The following ANKS1B variants were observed in gnomAD, a reference collection of about 807,000 sequenced individuals.
ANKS1B encodes the protein ankyrin repeat and sterile alpha motif domain containing 1B, also known as ankyrin repeat and sterile alpha motif domain-containing protein 1B.
Under a neutral mutation model 148.3 loss-of-function variants are expected in ANKS1B, and 36 were observed. The ratio of observed to expected loss-of-function variants is 0.24; its 90% CI spans 0.19 to 0.32. The LOEUF is 0.32. Ranked by LOEUF, ANKS1B falls within the 10% of genes least tolerant of loss-of-function variation. The pLI is 1.00. For synonymous variants in ANKS1B, 542 were observed against 560.8 expected (o/e 0.97, Z 0.47); for missense variants, 1,157 against 1,542.6 (o/e 0.75, Z 4.19).
intron 9 of ANKS1B, among the ~76,000 whole-genome samples, chr12:99,538,188 T>C (rs1399939689): frequency 6.6e-6 from 1 of 152,156 alleles, no homozygotes; most frequent in East Asian, 1.9e-4. Context: ...AGTCAGGTAA[T>C]GTGATTCCTC....
chr12:99,371,599 G>A lies in ANKS1B; in HGVS notation c.1756+28032C>T, dbSNP rs374763795. Among the ~76,000 whole-genome samples the A allele has an allele frequency of 7.0e-4, 107 of 152,108 alleles. 2 individuals carry two copies. The South Asian group carries it at 0.021, about 30-fold the overall frequency. ...ACACACATATACATACTGAGAGAGA[G>A]AGAGAGAATTTACTGGTTTTGTATC... On this transcript the variant is annotated intron_variant, in intron 12 of 26. Transcript: ENST00000683438.
intron 1 of ANKS1B, among the ~76,000 whole-genome samples, chr12:99,980,038 A>C (rs1023888663): frequency 6.6e-6 from 1 of 152,008 alleles, no homozygotes; most frequent in African/African-American, 2.4e-5. Context: ...AGTCAAAAAG[A>C]TATAGAGAAA....
rs35016409 is a variant in ANKS1B, at chr12:99,382,717, AAGAGAG to A, written c.1756+16908_1756+16913del. Among the ~76,000 whole-genome samples, 298 of 113,134 alleles carry A rather than the reference AAGAGAG, an allele frequency of 2.6e-3. 13 individuals are homozygous for A. Among genetic ancestry groups the A allele is most frequent in the Non-Finnish European group, 2.9e-3 (175 of 59,326 alleles). The allele number at this position is 113,134 out of a possible 152,430, so 74.2% of individuals were successfully genotyped here. On this transcript the variant is annotated intron_variant, in intron 12 of 26. Transcript: ENST00000683438. ...TGTATTAAAAAAAAAAAAAAAAAAA[AAGAGAG>A]AGAGAGAGAGAGCTTGCACAAAAGC... is the stretch of plus-strand genomic sequence containing the variant.
At chr12:98,923,113 G>C (rs765389730) in intron 17 of ANKS1B, among the ~76,000 whole-genome samples, 4 of 152,270 alleles carry the variant, frequency 2.6e-5, no homozygotes, top group Non-Finnish European at 4.4e-5. Context: ...ATGCCTTCCT[G>C]CTAGGGTGAG....
chr12:99,469,334 A>T (rs2096197238), intron 10 of ANKS1B, among the ~76,000 whole-genome samples: 1 of 151,202 alleles, frequency 6.6e-6, no homozygotes, highest in African/African-American at 2.4e-5. Context: ...AGATATACCT[A>T]ATGCCAAATG....
intron 25 of ANKS1B, among the ~76,000 whole-genome samples, chr12:98,758,043 C>T (rs748278981): frequency 1.2e-4 from 19 of 152,064 alleles, no homozygotes; most frequent in Non-Finnish European, 2.6e-4. Context: ...GGGGATAATA[C>T]CATACGCAGT....
intron 15 of ANKS1B, among the ~76,000 whole-genome samples, chr12:99,142,637 T>G (rs2071344386): frequency 6.6e-6 from 1 of 152,122 alleles, no homozygotes; most frequent in Non-Finnish European, 1.5e-5. Context: ...TGTAAGAGTT[T>G]AAAAAACTAT....
At chr12:99,982,572 C>T (rs2095718306) in intron 1 of ANKS1B, among the ~76,000 whole-genome samples, 1 of 152,094 alleles carries the variant, frequency 6.6e-6, no homozygotes, top group Admixed American at 6.5e-5. Flanking sequence ...CCACAGCAAA[C>T]GTTGTTATTT....
intron 1 of ANKS1B, among the ~76,000 whole-genome samples, chr12:99,847,447 T>C (rs1251089655): frequency 6.6e-6 from 1 of 152,184 alleles, no homozygotes; most frequent in African/African-American, 2.4e-5. Context: ...TCTAACCTAC[T>C]GTCTGATAGT....
At chr12:99,473,417 C>A (rs769498483) in intron 10 of ANKS1B, among the ~76,000 whole-genome samples, 3 of 151,680 alleles carry the variant, frequency 2.0e-5, no homozygotes, top group Admixed American at 2.0e-4. Flanking sequence ...AGTGAATATC[C>A]GTGAGAGACT....
intron 17 of ANKS1B, among the ~76,000 whole-genome samples, chr12:98,899,431 T>C (rs560403040): frequency 4.6e-5 from 7 of 152,216 alleles, no homozygotes; most frequent in Non-Finnish European, 8.8e-5. Flanking sequence ...CAAAGACTAA[T>C]CTAGGTGTTT....
In ANKS1B at chr12:98,745,313, T is replaced by G; in HGVS notation, c.*426A>C. 13 of 986,316 alleles carry G rather than the reference T, an allele frequency of 1.3e-5. No individual in the cohort carries two copies. Among genetic ancestry groups the G allele is most frequent in the Non-Finnish European group, 1.6e-5 (13 of 830,762 alleles). The allele number at this position is 986,316 out of a possible 1,614,324, so 61.1% of individuals were successfully genotyped here. ...GTGGGAGGGGTAGTGCTGCTCTGAT[T>G]TCACCTTTAAAACTGCTGACAGTGA... On this transcript the variant is annotated 3_prime_UTR_variant, in exon 27 of 27. Transcript: ENST00000683438.
At chr12:99,644,835 A>C (rs1028869637) in intron 9 of ANKS1B, among the ~76,000 whole-genome samples, 49 of 152,018 alleles carry the variant, frequency 3.2e-4, no homozygotes, top group African/African-American at 1.0e-3. Context: ...TCACAGGGAG[A>C]ATCCACTTCC....
At position 98,810,278 on chromosome 12, in the gene ANKS1B, G is replaced by A. The variant is rs188823359; in HGVS notation, c.3067-2360C>T. 3.4e-3 allele frequency among the ~76,000 whole-genome samples: 522 copies of A among 152,312 alleles called. 5 individuals carry two copies. The highest frequency in any genetic ancestry group is 0.012 in the African/African-American group (500 of 41,566). On this transcript the variant is annotated intron_variant, in intron 19 of 26. Transcript: ENST00000683438. Reference sequence around the variant, plus strand: ...TCATGTCCTGAAAAGCCCTTCTGACGAACAGGGCTAACTGTAATATATCTA... The same window carrying A: ...TCATGTCCTGAAAAGCCCTTCTGACAAACAGGGCTAACTGTAATATATCTA...
intron 15 of ANKS1B, among the ~76,000 whole-genome samples, chr12:99,120,755 C>A (rs1193329554): frequency 6.6e-6 from 1 of 152,084 alleles, no homozygotes; most frequent in Non-Finnish European, 1.5e-5. Context: ...GGAGAAGCAG[C>A]AGATTTGGGA....
At chr12:99,446,108 G>A (rs1452015502) in intron 10 of ANKS1B, among the ~76,000 whole-genome samples, 1 of 148,898 alleles carries the variant, frequency 6.7e-6, no homozygotes, top group Non-Finnish European at 1.5e-5. Context: ...GATAAAGGAA[G>A]CATGATAAAA....
chr12:99,183,383 C>T lies in ANKS1B; in HGVS notation c.2420-28988G>A, dbSNP rs1230913992. ...TTGGTCTTAGGTGCAGTGGCTCATG[C>T]CCGTAATCCCAGCACTTTGGGAGGC... On this transcript the variant is annotated intron_variant, in intron 14 of 26. Coordinates refer to ENST00000683438, the MANE Select transcript of ANKS1B (RefSeq NM_001352186.2). Among the ~76,000 whole-genome samples the T allele has an allele frequency of 2.0e-5, 3 of 152,180 alleles. No individual in the cohort carries two copies. The East Asian group carries it at 5.8e-4, about 29-fold the overall frequency.
chr12:99,745,333 A>T (rs189691133), intron 8 of ANKS1B, among the ~76,000 whole-genome samples: 1 of 152,324 alleles, frequency 6.6e-6, no homozygotes, highest in Admixed American at 6.5e-5. Flanking sequence ...AGAACAGTAA[A>T]CATTGGGCAA....
At chr12:99,760,009 G>A (rs7488705) in intron 8 of ANKS1B, among the ~76,000 whole-genome samples, 102,609 of 151,380 alleles carry the variant, frequency 0.68, 34,832 homozygotes, top group Non-Finnish European at 0.7. Context: ...TATAAAAATG[G>A]TAACCTCACA....
Sources: gnomAD v4.1 joint callset for allele counts (sites outside exome capture counted in the v4.1 genomes callset) on GRCh38, gnomAD v4.1.1 for gene constraint, MANE v1.5 for transcripts, NCBI Gene and HGNC (gene_info 2026-07-23, HGNC 2026-07-21) for gene names.